TUBGCP3: variants seen among roughly 807,000 people sequenced by gnomAD.
The protein encoded by TUBGCP3 is gamma-tubulin complex component 3.
TUBGCP3 carries 50 observed loss-of-function variants against 123.1 expected under a neutral mutation model. The observed-to-expected ratio is 0.41, with a 90% CI of 0.32 to 0.51. The LOEUF is 0.51. TUBGCP3 is among the 20% of genes least tolerant of loss of function. The pLI is 0.36. For missense variants in TUBGCP3, 882 were observed against 1,127.0 expected (o/e 0.78, Z 3.11); for synonymous variants, 405 against 413.9 (o/e 0.98, Z 0.26).
upstream of TUBGCP3, among the ~76,000 whole-genome samples, chr13:112,591,331 G>A (rs1277015956): frequency 6.6e-6 from 1 of 152,244 alleles, no homozygotes; most frequent in Non-Finnish European, 1.5e-5. Context: ...AACAACATGT[G>A]AGGCGATCAG....
intron 11 of TUBGCP3, among the ~76,000 whole-genome samples, chr13:112,530,825 T>A (rs888285833): frequency 3.4e-4 from 51 of 152,216 alleles, no homozygotes; most frequent in African/African-American, 1.2e-3. Flanking sequence ...AAAATCAGTA[T>A]ATACAAATAT....
intron 1 of TUBGCP3, among the ~76,000 whole-genome samples, chr13:112,580,143 G>A (rs76634918): frequency 0.025 from 3,785 of 152,250 alleles, 75 homozygotes; most frequent in Middle Eastern, 0.054. Flanking sequence ...CACAGACACA[G>A]GATGGTGGCG....
chr13:112,566,169 G>A (rs1376581074), intron 2 of TUBGCP3, among the ~76,000 whole-genome samples: 3 of 152,176 alleles, frequency 2.0e-5, no homozygotes, highest in South Asian at 2.1e-4. Flanking sequence ...AGCTGCGGTC[G>A]TATTGGGTTC....
rs759625957 is a variant in TUBGCP3 at position 112,498,891 on chromosome 13, T to C, written c.2448+154A>G. 1.4e-4 allele frequency: 233 copies of C among 1,613,198 alleles called. 2 individuals carry two copies. Among genetic ancestry groups the C allele is most frequent in the Middle Eastern group, 6.6e-4 (4 of 6,084 alleles). On this transcript the variant is annotated intron_variant, in intron 20 of 21. Transcript: ENST00000261965. ...GGTGGCCCCTCCCTCTTTACAACTG[T>C]CAGTGATTTCTCGGGACTTCAAACG...
At chr13:112,577,357 C>T (rs1187237589) in intron 1 of TUBGCP3, among the ~76,000 whole-genome samples, 1 of 152,174 alleles carries the variant, frequency 6.6e-6, no homozygotes, top group Non-Finnish European at 1.5e-5. Context: ...TGTCACTTCA[C>T]CCTGGGGGTC....
chr13:112,601,827 A>C, the TUBGCP3 span, among the ~76,000 whole-genome samples: 4 of 152,196 alleles, frequency 2.6e-5, no homozygotes, highest in Non-Finnish European at 5.9e-5. Flanking sequence ...TGGAAGCCAG[A>C]GGGTAGGAGA....
chr13:112,518,047 T>C (rs980443551), intron 16 of TUBGCP3, among the ~76,000 whole-genome samples: 16 of 152,172 alleles, frequency 1.1e-4, no homozygotes, highest in African/African-American at 3.4e-4. Flanking sequence ...ACTTAAAATA[T>C]AGTAGCTTTG....
chr13:112,563,968 T>C (rs1421385748), intron 3 of TUBGCP3, among the ~76,000 whole-genome samples: 1 of 152,142 alleles, frequency 6.6e-6, no homozygotes, highest in Non-Finnish European at 1.5e-5. Context: ...CCTTTGGGCA[T>C]CTTGGTAAGG....
In TUBGCP3 at chr13:112,511,733, C is replaced by A. The variant is rs898944582; in HGVS notation, c.2086+4707G>T. 6.6e-6 allele frequency among the ~76,000 whole-genome samples: 1 copy of A among 152,140 alleles called. No individual in the cohort carries two copies. The highest frequency in any genetic ancestry group is 1.5e-5 in the Non-Finnish European group (1 of 68,032). ...TTACCTTATTATTCGATATATTGGG[C>A]CAAAACCAAATTTGGGCCAATCCAA... On this transcript the variant is annotated intron_variant, in intron 17 of 21. Transcript: ENST00000261965. The surrounding 1 kb of genome is among the most constrained non-coding windows in gnomAD (Gnocchi z 4.1).
chr13:112,500,098 T>C (rs146215434), intron 19 of TUBGCP3, among the ~76,000 whole-genome samples: 2 of 152,272 alleles, frequency 1.3e-5, no homozygotes, highest in East Asian at 3.9e-4. Flanking sequence ...CTGATGGCAG[T>C]GTGCTATGAC....
At chr13:112,494,180 G>A (rs564313545) in intron 20 of TUBGCP3, among the ~76,000 whole-genome samples, 1 of 148,934 alleles carries the variant, frequency 6.7e-6, no homozygotes, top group East Asian at 2.0e-4. Flanking sequence ...TGCCTGAGAC[G>A]CTCTAGCTAT....
intron 17 of TUBGCP3, among the ~76,000 whole-genome samples, chr13:112,505,241 G>A (rs755327829): frequency 6.6e-6 from 1 of 152,182 alleles, no homozygotes; most frequent in Non-Finnish European, 1.5e-5. Flanking sequence ...GCCATCACCA[G>A]GCTGGAAGGT....
Position 112,524,973 on chromosome 13 carries a change from C to T in TUBGCP3, c.1555+1969G>A, listed in dbSNP as rs2139081006. Among the ~76,000 whole-genome samples the T allele has an allele frequency of 6.6e-6, 1 of 152,278 alleles. No individual in the cohort carries two copies. The highest frequency in any genetic ancestry group is 1.9e-4 in the East Asian group (1 of 5,170). On this transcript the variant is annotated intron_variant, in intron 13 of 21. Transcript: ENST00000261965. The surrounding 1 kb of genome is among the most constrained non-coding windows in gnomAD (Gnocchi z 4.4). ...TGCCCTTCCGACTTGGCCTCACGAG[C>T]TCAGAGTTCTAGTGCCATCACTGAC... is the stretch of plus-strand genomic sequence containing the variant.
At chr13:112,531,726 T>C (rs1877594431) in intron 11 of TUBGCP3, among the ~76,000 whole-genome samples, 1 of 152,082 alleles carries the variant, frequency 6.6e-6, no homozygotes, top group Admixed American at 6.6e-5. Flanking sequence ...GAGCATGCAA[T>C]CACTCCAGCA....
chr13:112,587,763 C>T lies in TUBGCP3; in HGVS notation c.76+142G>A, dbSNP rs1294074260. 10 of 662,994 alleles carry T rather than the reference C, an allele frequency of 1.5e-5. No homozygotes were observed. In the East Asian group the frequency reaches 3.4e-4, roughly 23 times the overall value. 41.1% of individuals were successfully genotyped at this position (662,994 alleles called of 1,614,324 possible). On this transcript the variant is annotated intron_variant, in intron 1 of 21. Transcript: ENST00000261965. The stretch of plus-strand genomic sequence containing the variant: ...CCAGCCCTCCGCTCCCTCGTCCGGG[C>T]CCCACGTCCTCGGCCCGTCCCCCAG...
chr13:112,559,921 G>A (rs1264063612), intron 3 of TUBGCP3, among the ~76,000 whole-genome samples: 2 of 151,408 alleles, frequency 1.3e-5, no homozygotes, highest in Non-Finnish European at 2.9e-5. Context: ...GACCACTTGA[G>A]GTTAGGAGTT....
At chr13:112,561,022 G>C (rs1409879663) in intron 3 of TUBGCP3, among the ~76,000 whole-genome samples, 1 of 152,200 alleles carries the variant, frequency 6.6e-6, no homozygotes, top group Non-Finnish European at 1.5e-5. Context: ...GAGGGAAGCT[G>C]ACATCGGAAT....
At chr13:112,551,331 C>T (rs1466716357) in intron 8 of TUBGCP3, among the ~76,000 whole-genome samples, 1 of 152,194 alleles carries the variant, frequency 6.6e-6, no homozygotes, top group Non-Finnish European at 1.5e-5. Context: ...GTAAGTTTCA[C>T]ACTTACAAAA....
At chr13:112,548,811 T>C (rs1388248937) in intron 8 of TUBGCP3, among the ~76,000 whole-genome samples, 3 of 152,184 alleles carry the variant, frequency 2.0e-5, no homozygotes, top group South Asian at 2.1e-4. Context: ...GTTAGAATGG[T>C]GATCATTAAA....
Sources: gnomAD v4.1 joint callset for allele counts (sites outside exome capture counted in the v4.1 genomes callset) on GRCh38, gnomAD v4.1.1 for gene constraint, Gnocchi (gnomAD v3.1) non-coding constraint, MANE v1.5 for transcripts, NCBI Gene and HGNC (gene_info 2026-07-23, HGNC 2026-07-21) for gene names.